The following RGS5 variants were observed in gnomAD, a reference collection of about 807,000 sequenced individuals.
RGS5 encodes the protein regulator of G-protein signalling 5.
A neutral mutation model predicts 18.9 loss-of-function variants in RGS5; 20 were observed. That is an observed-to-expected ratio of 1.06 (90% CI 0.74 to 1.54). RGS5 has a LOEUF of 1.54. RGS5 is among the 40% of genes most tolerant of loss of function. The pLI is 0.00. For synonymous variants in RGS5, 57 were observed against 76.2 expected, an observed-to-expected ratio of 0.75 and a Z score of 1.31; for missense variants, 201 against 211.8, an observed-to-expected ratio of 0.95 and a Z score of 0.32.
At chr1:163,213,932 G>A (rs904251461) in intron 1 of RGS5, among the ~76,000 whole-genome samples, 3 of 152,172 alleles carry the variant, frequency 2.0e-5, no homozygotes, top group East Asian at 1.9e-4. Flanking sequence ...CAAACCTTCC[G>A]TTTTCTGACA....
chr1:163,295,432 A>G (rs993292407), intron 2 of RGS5, among the ~76,000 whole-genome samples: 2 of 152,132 alleles, frequency 1.3e-5, no homozygotes, highest in African/African-American at 4.8e-5. Context: ...TAATCCACTA[A>G]CTCAGTTTCT....
chr1:163,164,898 G>A (rs984501874), intron 2 of RGS5, among the ~76,000 whole-genome samples: 1 of 152,170 alleles, frequency 6.6e-6, no homozygotes, highest in African/African-American at 2.4e-5. Context: ...TCTTAAAAAT[G>A]TTCTTACACA....
At chr1:163,290,653 CAAAAAAA>C (rs66595263) in intron 2 of RGS5, among the ~76,000 whole-genome samples, 1 of 128,700 alleles carries the variant, frequency 7.8e-6, no homozygotes, top group Admixed American at 8.2e-5. Flanking sequence ...CAGCTCATAC[CAAAAAAA>C]AAAAAAAAAA....
intron 1 of RGS5, among the ~76,000 whole-genome samples, chr1:163,179,705 A>T (rs934023716): frequency 7.2e-5 from 11 of 152,184 alleles, no homozygotes; most frequent in African/African-American, 2.7e-4. Flanking sequence ...AGAGAAAGGG[A>T]GAAAGGAAAT....
chr1:163,306,965 C>T (rs1374036501), intron 1 of RGS5, among the ~76,000 whole-genome samples: 1 of 152,088 alleles, frequency 6.6e-6, no homozygotes, highest in African/African-American at 2.4e-5. Flanking sequence ...GTTTAAGCTA[C>T]CTAGTTGGTG....
chr1:163,215,406 T>G (rs1422516136), intron 1 of RGS5, among the ~76,000 whole-genome samples: 1 of 152,174 alleles, frequency 6.6e-6, no homozygotes, highest in Admixed American at 6.5e-5. Context: ...TAGCTACATT[T>G]GGGATTAAAT....
Position 163,202,098 on chromosome 1 carries a change from G to A in RGS5, c.44+694C>T, listed in dbSNP as rs191907571. 2.6e-5 allele frequency among the ~76,000 whole-genome samples: 4 copies of A among 152,254 alleles called. No individual in the cohort carries two copies. In the East Asian group the frequency reaches 7.7e-4, roughly 29 times the overall value. ...TGCATTTGTCTGAAAAAGAATGCTA[G>A]CTAATAAATAACCCCTGTGTCCCAA... On this transcript the variant is annotated intron_variant, in intron 1 of 4. Transcript: ENST00000313961.
intron 1 of RGS5, among the ~76,000 whole-genome samples, chr1:163,214,495 A>G (rs976564056): frequency 1.3e-5 from 2 of 152,060 alleles, no homozygotes; most frequent in Non-Finnish European, 2.9e-5. Flanking sequence ...TCCTTTCTAT[A>G]TAATCTCCCT....
chr1:163,211,580 T>G (rs1434010983), intron 1 of RGS5: 1 of 152,146 alleles, frequency 6.6e-6, no homozygotes, highest in Non-Finnish European at 1.5e-5. Flanking sequence ...AATGTTTTGA[T>G]AGAATTTTCT....
At chr1:163,192,521 A>G (rs892353294) in intron 1 of RGS5, among the ~76,000 whole-genome samples, 2 of 152,158 alleles carry the variant, frequency 1.3e-5, no homozygotes, top group African/African-American at 4.8e-5. Flanking sequence ...CCATCAATCT[A>G]CGTTCATCTT....
intron 2 of RGS5, chr1:163,248,127 A>G (rs1415472309): frequency 2.6e-5 from 4 of 152,202 alleles, no homozygotes; most frequent in African/African-American, 7.2e-5. Flanking sequence ...CAGTGTTAGT[A>G]AGAGCAAAGA....
chr1:163,226,707 A>G (rs1647343894), intron 2 of RGS5, among the ~76,000 whole-genome samples: 1 of 152,234 alleles, frequency 6.6e-6, no homozygotes. Flanking sequence ...CTAATCAAAA[A>G]TAGAAGCATG....
chr1:163,186,069 AG>A (rs1361603640), intron 1 of RGS5, among the ~76,000 whole-genome samples: 9 of 94,646 alleles, frequency 9.5e-5, no homozygotes, highest in Non-Finnish European at 1.0e-4. Flanking sequence ...GAGAAAAAAA[AG>A]GTCTTTTTTT....
chr1:163,303,744 C>T (rs950311567), intron 2 of RGS5, among the ~76,000 whole-genome samples: 2 of 152,150 alleles, frequency 1.3e-5, no homozygotes, highest in African/African-American at 2.4e-5. Context: ...AAGTGAGTGG[C>T]GGTGAGTGAG....
chr1:163,181,251 C>G (rs1406362542), intron 1 of RGS5, among the ~76,000 whole-genome samples: 2 of 152,098 alleles, frequency 1.3e-5, no homozygotes, highest in Non-Finnish European at 2.9e-5. Flanking sequence ...CCATTATTCT[C>G]CACAACCACA....
intron 2 of RGS5, among the ~76,000 whole-genome samples, chr1:163,230,462 G>T (rs534357625): frequency 6.6e-6 from 1 of 152,042 alleles, no homozygotes; most frequent in Admixed American, 6.5e-5. Context: ...TACCTTAGTT[G>T]TAAGATACTA....
chr1:163,211,635 A>G (rs1365643352), intron 1 of RGS5: 1 of 152,220 alleles, frequency 6.6e-6, no homozygotes, highest in Non-Finnish European at 1.5e-5. Context: ...CAACTATAGA[A>G]TAAGATGATT....
At chr1:163,255,806 T>C (rs1648255288) in intron 2 of RGS5, among the ~76,000 whole-genome samples, 2 of 151,882 alleles carry the variant, frequency 1.3e-5, no homozygotes, top group South Asian at 2.1e-4. Flanking sequence ...GCTGGTTCAA[T>C]ATATGCAAAT....
At chr1:163,306,924 C>T (rs987277162) in intron 1 of RGS5, among the ~76,000 whole-genome samples, 20 of 152,170 alleles carry the variant, frequency 1.3e-4, no homozygotes, top group African/African-American at 4.8e-4. Context: ...TACTTCTAGG[C>T]TCCAGGACTG....
Sources: gnomAD v4.1 joint callset for allele counts (sites outside exome capture counted in the v4.1 genomes callset) on GRCh38, gnomAD v4.1.1 for gene constraint, MANE v1.5 for transcripts, NCBI Gene and HGNC (gene_info 2026-07-23, HGNC 2026-07-21) for gene names.